The following SORCS1 variants were observed in gnomAD, a reference collection of about 807,000 sequenced individuals.
SORCS1 encodes sortilin related VPS10 domain containing receptor 1.
In SORCS1, 60 loss-of-function variants were observed where a neutral mutation model predicts 146.1. The observed-to-expected ratio is 0.41, with a 90% CI of 0.33 to 0.51. SORCS1 has a LOEUF of 0.51. SORCS1 is among the 20% of genes least tolerant of loss of function. The pLI is 0.21. For synonymous variants in SORCS1, 637 were observed against 584.0 expected (o/e 1.09, Z -1.31); for missense variants, 1,352 against 1,487.6 (o/e 0.91, Z 1.50).
In SORCS1 at chr10:106,589,867, C is replaced by T. The variant is rs543944660; in HGVS notation, c.3265+7484G>A. ...CCAAACCTATTATTAAAGGAAAAAA[C>T]CCCAAAATCCTTCTAGCAGCCTTTT... On this transcript the variant is annotated intron_variant, in intron 24 of 25. Transcript: ENST00000263054. Among the ~76,000 whole-genome samples, 10 of 142,314 alleles carry T rather than the reference C, an allele frequency of 7.0e-5. No homozygotes were observed. The East Asian group carries it at 2.4e-3, about 34-fold the overall frequency. The allele number at this position is 142,314 out of a possible 152,430, so 93.4% of individuals were successfully genotyped here. A position where few individuals can be genotyped will look rare whatever the true frequency, so the allele number is the denominator to read the frequency against.
intron 2 of SORCS1, among the ~76,000 whole-genome samples, chr10:106,905,522 C>A (rs1447616543): frequency 6.6e-6 from 1 of 152,074 alleles, no homozygotes; most frequent in Non-Finnish European, 1.5e-5. Flanking sequence ...CCTACATTGC[C>A]CTGTTCAAGA....
chr10:106,636,135 C>T (rs997753356), intron 18 of SORCS1, among the ~76,000 whole-genome samples: 3 of 152,040 alleles, frequency 2.0e-5, no homozygotes, highest in African/African-American at 7.3e-5. Flanking sequence ...TGGCTCATGA[C>T]TATAGTCTCA....
chr10:106,844,827 C>T (rs1469174691), intron 2 of SORCS1, among the ~76,000 whole-genome samples: 42 of 144,120 alleles, frequency 2.9e-4, no homozygotes, highest in Non-Finnish European at 4.4e-4. Context: ...TGAGAATATG[C>T]GGTGTTTGGT....
chr10:107,080,780 C>T (rs960192691), intron 1 of SORCS1, among the ~76,000 whole-genome samples: 1 of 152,204 alleles, frequency 6.6e-6, no homozygotes, highest in Admixed American at 6.5e-5. Flanking sequence ...AACACACAAT[C>T]TCTTAAATGA....
At chr10:106,731,917 G>A (rs1420736571) in intron 5 of SORCS1, among the ~76,000 whole-genome samples, 1 of 152,216 alleles carries the variant, frequency 6.6e-6, no homozygotes, top group African/African-American at 2.4e-5. Context: ...GGGAGGACAA[G>A]AGGAAGGAGG....
intron 2 of SORCS1, among the ~76,000 whole-genome samples, chr10:106,912,340 C>CG (rs1347797131): frequency 5.0e-4 from 1 of 2,020 alleles, no homozygotes; most frequent in African/African-American, 5.4e-4. Flanking sequence ...TAGTGCCCAC[C>CG]CCGACAGTCC....
At chr10:106,657,661 ATGTGTGTGTGTGTG>A (rs10561308) in intron 17 of SORCS1, among the ~76,000 whole-genome samples, 3 of 145,294 alleles carry the variant, frequency 2.1e-5, no homozygotes, top group Admixed American at 7.0e-5. Context: ...ATAACACTAT[ATGTGTGTGTGTGTG>A]TGTGTGTGTG....
At chr10:106,709,925 T>G (rs1388554071) in intron 6 of SORCS1, among the ~76,000 whole-genome samples, 1 of 152,234 alleles carries the variant, frequency 6.6e-6, no homozygotes, top group Non-Finnish European at 1.5e-5. Flanking sequence ...TTCTTGCTAA[T>G]TATTTTTTTC....
At position 106,777,771 on chromosome 10, in the gene SORCS1, C is replaced by G. The variant is rs1860563885; in HGVS notation, c.727-1079G>C. ...GTGTGATAAATTACTTCATTCCCAA[C>G]TCTCTGTGGGTCTTTCATTCAAAGT... On this transcript the variant is annotated intron_variant, in intron 3 of 25. Coordinates refer to ENST00000263054, the MANE Select transcript of SORCS1 (RefSeq NM_052918.5). Among the ~76,000 whole-genome samples, 3 of 152,326 alleles carry G rather than the reference C, an allele frequency of 2.0e-5. No individual in the cohort carries two copies. The South Asian group carries it at 6.2e-4, about 32-fold the overall frequency.
At chr10:106,688,528 A>G (rs539766928) in intron 9 of SORCS1, among the ~76,000 whole-genome samples, 190 bp from the exon 10 acceptor site, 1 of 152,284 alleles carries the variant, frequency 6.6e-6, no homozygotes, top group South Asian at 2.1e-4. Flanking sequence ...ACAACAACAG[A>G]TTGGTGATCC....
intron 1 of SORCS1, among the ~76,000 whole-genome samples, chr10:107,156,947 G>C (rs1379906437): frequency 6.6e-6 from 1 of 152,120 alleles, no homozygotes; most frequent in Non-Finnish European, 1.5e-5. Context: ...CTTCCAGAAG[G>C]TCCCATCATC....
chr10:107,019,587 G>A (rs1271778398), intron 1 of SORCS1, among the ~76,000 whole-genome samples: 1 of 152,212 alleles, frequency 6.6e-6, no homozygotes, highest in Non-Finnish European at 1.5e-5. Flanking sequence ...TTCCTGTGAT[G>A]CATAGTTCAG....
chr10:106,976,965 G>C (rs1297149309), intron 1 of SORCS1, among the ~76,000 whole-genome samples: 1 of 152,156 alleles, frequency 6.6e-6, no homozygotes, highest in Non-Finnish European at 1.5e-5. Flanking sequence ...TTGGTTCCAT[G>C]TCTTTGCTAT....
chr10:106,889,867 AGAGT>A (rs1951158299), intron 2 of SORCS1, among the ~76,000 whole-genome samples: 1 of 145,908 alleles, frequency 6.9e-6, no homozygotes, highest in South Asian at 2.3e-4. Flanking sequence ...CCTGGGTGAC[AGAGT>A]GAGACTACGT....
intron 1 of SORCS1, among the ~76,000 whole-genome samples, chr10:106,963,530 T>C (rs1418101454): frequency 3.9e-5 from 6 of 152,196 alleles, no homozygotes; most frequent in Non-Finnish European, 7.3e-5. Context: ...TTTGGCTAAG[T>C]ATTTATTTGA....
chr10:106,797,942 T>C (rs905031943), intron 3 of SORCS1, among the ~76,000 whole-genome samples: 1 of 152,178 alleles, frequency 6.6e-6, no homozygotes, highest in African/African-American at 2.4e-5. Flanking sequence ...CACAGAAAGT[T>C]TACCGGAACT....
rs1005077973 is a variant in SORCS1, at chr10:106,577,089, C to T, written c.*331G>A. 9 of 720,248 alleles carry T rather than the reference C, an allele frequency of 1.2e-5. No homozygotes were observed. In the African/African-American group the frequency reaches 1.3e-4, roughly 10 times the overall value. The allele number at this position is 720,248 out of a possible 1,614,324, so 44.6% of individuals were successfully genotyped here. On this transcript the variant is annotated 3_prime_UTR_variant, in exon 26 of 26. Transcript: ENST00000263054. ...CATGCACAGGCTTAAAGCTAAAAAC[C>T]CTTGTTGTCTGTGTCTGAAGAATTA...
chr10:107,173,217 A>G, the SORCS1 span, among the ~76,000 whole-genome samples: 1 of 152,208 alleles, frequency 6.6e-6, no homozygotes, highest in Admixed American at 6.5e-5. Flanking sequence ...TCTTGTGTCT[A>G]GCAGTGCAGG....
intron 2 of SORCS1, among the ~76,000 whole-genome samples, chr10:106,932,087 G>C (rs1953450171): frequency 6.6e-6 from 1 of 152,108 alleles, no homozygotes. Context: ...CATGGGGAAA[G>C]GTGTCAAGCA....
Sources: allele counts gnomAD v4.1 joint callset (sites outside exome capture counted in the v4.1 genomes callset), GRCh38; gene constraint gnomAD v4.1.1; transcripts MANE v1.5; gene names NCBI Gene and HGNC (gene_info 2026-07-23, HGNC 2026-07-21).